The following ST3GAL3 variants were observed in gnomAD, a reference collection of about 807,000 sequenced individuals.
The protein encoded by ST3GAL3 is CMP-N-acetylneuraminate-beta-1,4-galactoside alpha-2,3-sialyltransferase.
ST3GAL3 carries 21 observed loss-of-function variants against 50.1 expected under a neutral mutation model. The observed-to-expected ratio is 0.42, with a 90% CI of 0.30 to 0.60. The LOEUF is 0.60. Ranked by LOEUF, ST3GAL3 falls within the 20% of genes least tolerant of loss-of-function variation. ST3GAL3 has a pLI of 0.19. For synonymous variants in ST3GAL3, 183 were observed against 190.0 expected, an observed-to-expected ratio of 0.96 and a Z score of 0.30; for missense variants, 353 against 489.4, an observed-to-expected ratio of 0.72 and a Z score of 2.63.
intron 1 of ST3GAL3, among the ~76,000 whole-genome samples, chr1:43,719,674 A>G (rs1456538709): frequency 1.3e-5 from 2 of 150,710 alleles, no homozygotes; most frequent in Non-Finnish European, 3.0e-5. Flanking sequence ...CAAAAAAAAA[A>G]GAATAAGCGG....
rs200957732 is a variant in ST3GAL3, at chr1:43,894,383, G to T, written c.303G>T (p.Arg101=). 1.9e-5 allele frequency: 31 copies of T among 1,613,972 alleles called. No homozygotes were observed. In the African/African-American group the frequency reaches 2.7e-4, roughly 14 times the overall value. Residue 101 remains arginine, a splice_region_variant and synonymous_variant, in exon 6 of 12, where the codon CGG becomes CGT. Transcript: ENST00000347631. ...CCTCAGCAGTCCTGTTATATTCCAG[G>T]TTCTCCAAGCCAGCACCCATGTTCC... ...ASALMTAIFP[R]FSKPAPMFLD... is the part of the protein sequence containing the mutation.
In ST3GAL3 at chr1:43,899,623, A is replaced by C; in HGVS notation, c.640A>C (p.Met214Leu). ...TLRITYPEGAMQRPEQYERDS... is the reference protein window; with the variant it reads ...TLRITYPEGALQRPEQYERDS... The stretch of plus-strand genomic sequence containing the variant: ...GCGCATCACCTACCCCGAGGGCGCC[A>C]TGCAGCGGCCTGAGCAGTACGAGCG... The change falls in exon 9 of 12, where the codon ATG becomes CTG. Residue 214 changes from methionine to leucine, a missense_variant. Transcript: ENST00000347631. The surrounding 1 kb of genome is among the most constrained non-coding windows in gnomAD (Gnocchi z 5.4). 1 of 1,614,194 alleles carries C rather than the reference A, an allele frequency of 6.2e-7. No individual in the cohort carries two copies. The highest frequency in any genetic ancestry group is 8.5e-7 in the Non-Finnish European group (1 of 1,180,044).
rs1678520387 is a variant in ST3GAL3, at chr1:43,736,502, G to C, written c.118+122G>C. The C allele has an allele frequency of 5.1e-6, 8 of 1,577,354 alleles. No individual in the cohort carries two copies. In the Admixed American group the frequency reaches 1.3e-4, roughly 26 times the overall value. ...CAATGAGAGTAAACTGAACATTTCTGGGACTTTGGCCTAGAAATTGCCTGC... is the reference window on the plus strand; with the variant it reads ...CAATGAGAGTAAACTGAACATTTCTCGGACTTTGGCCTAGAAATTGCCTGC... On this transcript the variant is annotated intron_variant, in intron 2 of 11. Coordinates refer to ENST00000347631, the MANE Select transcript of ST3GAL3 (RefSeq NM_006279.5).
chr1:43,707,674 C>G lies in ST3GAL3; in HGVS notation c.-50C>G, dbSNP rs1034462479. 1 of 152,036 alleles carries G rather than the reference C, an allele frequency of 6.6e-6. No individual in the cohort carries two copies. Among genetic ancestry groups the G allele is most frequent in the Non-Finnish European group, 1.5e-5 (1 of 68,146 alleles). The allele number at this position is 152,036 out of a possible 1,614,324, so 9.4% of individuals were successfully genotyped here. A position where few individuals can be genotyped will look rare whatever the true frequency, so the allele number is the denominator to read the frequency against. On this transcript the variant is annotated 5_prime_UTR_variant, in exon 1 of 12. Transcript: ENST00000347631. ...CGTCGGGCCGGGCGCCACCTCCCCC[C>G]TGCCTCCCTCTCCGCTGTGGTAAGG...
At chr1:43,801,371 T>G (rs1273385121) in intron 3 of ST3GAL3, 1 of 456,144 alleles carries the variant, frequency 2.2e-6, no homozygotes, top group Non-Finnish European at 4.4e-6. Context: ...AGTAGCATGT[T>G]AGGCTCATCA....
intron 1 of ST3GAL3, among the ~76,000 whole-genome samples, chr1:43,722,428 CTG>C (rs557606460): frequency 2.6e-5 from 4 of 152,128 alleles, no homozygotes; most frequent in Non-Finnish European, 4.4e-5. Context: ...TTTAAGGAGT[CTG>C]AGACTTTACC....
At chr1:43,721,603 T>C (rs1001119372) in intron 1 of ST3GAL3, among the ~76,000 whole-genome samples, 1 of 147,502 alleles carries the variant, frequency 6.8e-6, no homozygotes, top group African/African-American at 2.5e-5. Flanking sequence ...TGTGCCTGGC[T>C]CTTTTTTTGT....
chr1:43,790,053 A>G (rs1388332743), intron 2 of ST3GAL3, among the ~76,000 whole-genome samples: 2 of 152,182 alleles, frequency 1.3e-5, no homozygotes, highest in African/African-American at 4.8e-5. Flanking sequence ...AACTGGCAGT[A>G]CAGAGTACCT....
intron 2 of ST3GAL3, among the ~76,000 whole-genome samples, chr1:43,745,064 C>T (rs1016231929): frequency 6.6e-6 from 1 of 152,006 alleles, no homozygotes; most frequent in Admixed American, 6.6e-5. Flanking sequence ...TTTGGGAGGG[C>T]TGACTTAAGG....
At chr1:43,849,577 GT>G (rs1283784138) in intron 5 of ST3GAL3, among the ~76,000 whole-genome samples, 1 of 152,168 alleles carries the variant, frequency 6.6e-6, no homozygotes, top group Non-Finnish European at 1.5e-5. Context: ...TGAAAATAAA[GT>G]TTCTTTGGGA....
chr1:43,869,078 A>G (rs6673211), intron 5 of ST3GAL3, among the ~76,000 whole-genome samples: 7,728 of 152,120 alleles, frequency 0.051, 641 homozygotes, highest in African/African-American at 0.18. Flanking sequence ...GGTTCTTGCC[A>G]CTTTCCTGGG....
chr1:43,813,398 C>T (rs1573427861), intron 3 of ST3GAL3, among the ~76,000 whole-genome samples: 1 of 152,076 alleles, frequency 6.6e-6, no homozygotes, highest in African/African-American at 2.4e-5. Context: ...ATATTTAAGC[C>T]TTTTTTTGTT....
intron 4 of ST3GAL3, among the ~76,000 whole-genome samples, chr1:43,832,124 C>T (rs1434702000): frequency 2.0e-5 from 3 of 152,128 alleles, no homozygotes; most frequent in African/African-American, 2.4e-5. Flanking sequence ...GGAGTGCCTC[C>T]GTGAAAATTG....
intron 1 of ST3GAL3, among the ~76,000 whole-genome samples, chr1:43,723,011 T>C (rs948986253): frequency 1.5e-4 from 23 of 152,132 alleles, no homozygotes; most frequent in Non-Finnish European, 2.9e-5. Flanking sequence ...TGGGGGCGGA[T>C]CCCTCATGAA....
rs190460788 is a variant in ST3GAL3 at position 43,751,263 on chromosome 1, A to G, written c.118+14883A>G. 2.6e-5 allele frequency among the ~76,000 whole-genome samples: 4 copies of G among 152,346 alleles called. No homozygotes were observed. The East Asian group carries it at 5.8e-4, about 22-fold the overall frequency. On this transcript the variant is annotated intron_variant, in intron 2 of 11. Coordinates refer to ENST00000347631, the MANE Select transcript of ST3GAL3 (RefSeq NM_006279.5). ...AGAGTTTAGAATTATAATGCCCTGTACATGCATAAGTAAACCATTATTTTT... is the reference window on the plus strand; with the variant it reads ...AGAGTTTAGAATTATAATGCCCTGTGCATGCATAAGTAAACCATTATTTTT...
At chr1:43,748,194 G>A (rs1684599589) in intron 2 of ST3GAL3, among the ~76,000 whole-genome samples, 1 of 151,786 alleles carries the variant, frequency 6.6e-6, no homozygotes, top group African/African-American at 2.4e-5. Context: ...TCTATATACT[G>A]GAAGCACACA....
chr1:43,787,137 T>C (rs1210369569), intron 2 of ST3GAL3, among the ~76,000 whole-genome samples: 1 of 152,256 alleles, frequency 6.6e-6, no homozygotes, highest in African/African-American at 2.4e-5. Flanking sequence ...GTTTCCTCAT[T>C]GAACAAAGTC....
At chr1:43,898,511 C>T in intron 7 of ST3GAL3, 1 of 636,664 alleles carries the variant, frequency 1.6e-6, no homozygotes, top group Non-Finnish European at 2.9e-6. Flanking sequence ...CAGGACATCC[C>T]AGTCCTCAGA....
Position 43,899,229 on chromosome 1 carries a change from G to A in ST3GAL3, c.523G>A (p.Gly175Arg). Residue 175 changes from glycine (G) to arginine (R), a missense_variant, in exon 8 of 12, where the codon GGG becomes AGG. Gly to Arg is a moderately radical substitution (Grantham distance 125). Transcript: ENST00000347631. This position sits in a 1 kb window ranked among gnomAD's most constrained non-coding sequence, Gnocchi z 5.4. ...AGGCGTTCTTGCCAACAAGTCTCTG[G>A]GGTCACGAATTGACGACTATGACAT... ...NGGVLANKSLGSRIDDYDIVV... is the reference protein window; with the variant it reads ...NGGVLANKSLRSRIDDYDIVV... 1 of 1,614,202 alleles carries A rather than the reference G, an allele frequency of 6.2e-7. No individual in the cohort carries two copies. The highest frequency in any genetic ancestry group is 8.5e-7 in the Non-Finnish European group (1 of 1,180,040).
Sources: gnomAD v4.1 joint callset for allele counts (sites outside exome capture counted in the v4.1 genomes callset) on GRCh38, gnomAD v4.1.1 for gene constraint, Gnocchi (gnomAD v3.1) non-coding constraint, MANE v1.5 for transcripts, NCBI Gene and HGNC (gene_info 2026-07-23, HGNC 2026-07-21) for gene names.